Variants in LARP4B observed in about 807,000 individuals in gnomAD.
LARP4B encodes the protein La ribonucleoprotein 4B, also known as la-related protein 4B.
A neutral mutation model predicts 89.8 loss-of-function variants in LARP4B; 12 were observed. The observed-to-expected ratio is 0.13, with a 90% CI of 0.09 to 0.22. The LOEUF (loss-of-function observed/expected upper bound fraction) is 0.22, where lower values mean the gene tolerates loss of function less well. LARP4B is among the 10% of genes least tolerant of loss of function. LARP4B has a pLI of 1.00. For synonymous variants in LARP4B, 367 were observed against 363.3 expected (o/e 1.01, Z -0.12); for missense variants, 757 against 947.7 (o/e 0.80, Z 2.64).
chr10:821,021 A>G (rs1049041174), intron 13 of LARP4B, 176 bp from the exon 14 acceptor site: 4 of 607,020 alleles, frequency 6.6e-6, no homozygotes, highest in Non-Finnish European at 1.2e-5. Context: ...TAAGCAGAAC[A>G]ACACAAAGTT....
chr10:918,018 C>T (rs1328841329), intron 1 of LARP4B, among the ~76,000 whole-genome samples: 1 of 152,136 alleles, frequency 6.6e-6, no homozygotes, highest in Non-Finnish European at 1.5e-5. Context: ...TTATTGTTTT[C>T]CTACAATTTG....
chr10:918,368 C>T (rs1027341751), intron 1 of LARP4B, among the ~76,000 whole-genome samples: 10 of 152,204 alleles, frequency 6.6e-5, no homozygotes, highest in African/African-American at 1.9e-4. Context: ...GATGATGGCA[C>T]ATGCCTGTAA....
intron 13 of LARP4B, among the ~76,000 whole-genome samples, chr10:823,207 C>A (rs1223436695): frequency 6.6e-6 from 1 of 152,086 alleles, no homozygotes; most frequent in African/African-American, 2.4e-5. Flanking sequence ...ACCACTGGTG[C>A]GTGCTTCCTA....
chr10:898,531 T>C (rs1286273311), intron 1 of LARP4B, among the ~76,000 whole-genome samples: 1 of 152,224 alleles, frequency 6.6e-6, no homozygotes, highest in Non-Finnish European at 1.5e-5. Flanking sequence ...TTTATGTGTG[T>C]CTGGCATAAC....
At chr10:932,209 A>C (rs1397286957), upstream of LARP4B, among the ~76,000 whole-genome samples, 1 of 97,984 alleles carries the variant, frequency 1.0e-5, no homozygotes, top group African/African-American at 4.0e-5. Context: ...CACCCCCAGG[A>C]CCCAGGCCCC....
chr10:926,623 AT>A (rs1837141286), intron 1 of LARP4B, among the ~76,000 whole-genome samples: 1 of 152,228 alleles, frequency 6.6e-6, no homozygotes, highest in South Asian at 2.1e-4. Context: ...ATAAAAGAGC[AT>A]TTTATTGGGC....
intron 8 of LARP4B, among the ~76,000 whole-genome samples, chr10:834,916 C>T (rs538716709): frequency 2.0e-5 from 3 of 151,572 alleles, no homozygotes; most frequent in African/African-American, 4.8e-5. Context: ...TTTGGGAGGC[C>T]GTAATCCCAG....
intron 1 of LARP4B, among the ~76,000 whole-genome samples, chr10:914,170 CA>C (rs1836753033): frequency 6.6e-6 from 1 of 152,076 alleles, no homozygotes; most frequent in African/African-American, 2.4e-5. Context: ...TGGTATAAAA[CA>C]GTTCAAAATT....
chr10:917,686 C>T (rs974043090), intron 1 of LARP4B, among the ~76,000 whole-genome samples: 1 of 152,184 alleles, frequency 6.6e-6, no homozygotes, highest in Non-Finnish European at 1.5e-5. Context: ...AGGAATTCAC[C>T]CAATTCATGT....
the LARP4B span, among the ~76,000 whole-genome samples, chr10:968,713 C>T: frequency 5.3e-5 from 8 of 152,318 alleles, no homozygotes; most frequent in East Asian, 3.9e-4. Context: ...ACTTGGCTGA[C>T]GGAATGAAGT....
chr10:848,037 C>T (rs924363185), intron 5 of LARP4B, among the ~76,000 whole-genome samples: 9 of 152,162 alleles, frequency 5.9e-5, no homozygotes, highest in African/African-American at 2.2e-4. Context: ...GGACCCATCA[C>T]GTTGTCAGCC....
At chr10:886,264 A>G (rs1018200203) in intron 1 of LARP4B, among the ~76,000 whole-genome samples, 1 of 152,206 alleles carries the variant, frequency 6.6e-6, no homozygotes, top group Admixed American at 6.5e-5. Context: ...CAAAACCACA[A>G]TGATATTTCA....
chr10:875,866 C>T (rs1205692092), intron 3 of LARP4B, among the ~76,000 whole-genome samples: 1 of 152,190 alleles, frequency 6.6e-6, no homozygotes, highest in African/African-American at 2.4e-5. Context: ...CCAGCTCCCA[C>T]AATTCATGTC....
At chr10:931,202 G>C (rs1263522646) in intron 1 of LARP4B, among the ~76,000 whole-genome samples, 1 of 144,856 alleles carries the variant, frequency 6.9e-6, no homozygotes, top group Non-Finnish European at 1.5e-5. Flanking sequence ...CTTTTTCCTG[G>C]CCCTGACCCC....
chr10:926,667 CTT>C (rs1837143195), intron 1 of LARP4B, among the ~76,000 whole-genome samples: 1 of 152,250 alleles, frequency 6.6e-6, no homozygotes, highest in African/African-American at 2.4e-5. Context: ...ATAAAGAACA[CTT>C]TCAGCAAAGA....
At chr10:935,179 A>G (rs184159765), upstream of LARP4B, among the ~76,000 whole-genome samples, 162 of 152,314 alleles carry the variant, frequency 1.1e-3, no homozygotes, top group African/African-American at 3.7e-3. Context: ...CTACACTTGA[A>G]TAAAATACAG....
At chr10:808,992 G>C (rs1429413176), downstream of LARP4B, 1 of 152,186 alleles carries the variant, frequency 6.6e-6, no homozygotes, top group Non-Finnish European at 1.5e-5. Flanking sequence ...AACAGATCAA[G>C]AATATTAATT....
At position 875,223 on chromosome 10, in the gene LARP4B, T is replaced by C. The variant is rs896368397; in HGVS notation, c.141+9224A>G. Among the ~76,000 whole-genome samples, 4 of 152,214 alleles carry C rather than the reference T, an allele frequency of 2.6e-5. No homozygotes were observed. In the South Asian group the frequency reaches 8.3e-4, roughly 32 times the overall value. ...CCTGGCTTTGAGTCTCAGCTCCATTTTTACATGTGTCATCTCTGGCAAATT... is the reference window on the plus strand; with the variant it reads ...CCTGGCTTTGAGTCTCAGCTCCATTCTTACATGTGTCATCTCTGGCAAATT... On this transcript the variant is annotated intron_variant, in intron 3 of 17. Transcript: ENST00000316157.
At chr10:913,991 C>A (rs1836747890) in intron 1 of LARP4B, among the ~76,000 whole-genome samples, 2 of 152,108 alleles carry the variant, frequency 1.3e-5, no homozygotes, top group Non-Finnish European at 1.5e-5. Flanking sequence ...GTTTCACAAA[C>A]CCTTTTCAAA....
Sources: allele counts gnomAD v4.1 joint callset (sites outside exome capture counted in the v4.1 genomes callset), GRCh38; gene constraint gnomAD v4.1.1; transcripts MANE v1.5; gene names NCBI Gene and HGNC (gene_info 2026-07-23, HGNC 2026-07-21).